ATP13A1: variants seen among roughly 807,000 people sequenced by gnomAD.
ATP13A1 encodes endoplasmic reticulum transmembrane helix translocase.
ATP13A1 carries 55 observed loss-of-function variants against 134.8 expected under a neutral mutation model. The observed-to-expected ratio is 0.41, with a 90% confidence interval of 0.33 to 0.51. ATP13A1 has a LOEUF of 0.51. Ranked by LOEUF, ATP13A1 falls within the 20% of genes least tolerant of loss-of-function variation. ATP13A1 has a pLI of 0.29. For missense variants in ATP13A1, 1,389 were observed against 1,652.8 expected (o/e 0.84, Z 2.77); for synonymous variants, 775 against 725.1 (o/e 1.07, Z -1.10).
rs1343495098 is a variant in ATP13A1 at position 19,663,521 on chromosome 19, A to G, written c.146T>C (p.Leu49Pro). ...GPALIANGDE[L>P]VAAVWPYRRL... ...CCGGTACGGCCACACGGCAGCCACC[A>G]GCTCGTCACCGTTCGCTATGAGCGC... The change falls in exon 1 of 26, where the codon CTG becomes CCG. Residue 49 changes from leucine (L) to proline (P), a missense_variant. Around this residue, in one of 4 missense-constraint regions of ATP13A1, gnomAD observed 293 missense variants for 270.8 expected, o/e 1.08. Transcript: ENST00000357324. The G allele has an allele frequency of 6.5e-7, 1 of 1,531,496 alleles. No individual in the cohort carries two copies. Among genetic ancestry groups the G allele is most frequent in the Non-Finnish European group, 8.7e-7 (1 of 1,145,014 alleles). The allele number at this position is 1,531,496 out of a possible 1,614,324, so 94.9% of individuals were successfully genotyped here.
chr19:19,654,099 A>G lies in ATP13A1; in HGVS notation c.1859T>C (p.Ile620Thr), dbSNP rs752055363. The change falls in exon 14 of 26, where the codon ATT (isoleucine) becomes ACT (threonine). Residue 620 changes from isoleucine to threonine, a missense_variant. Around this residue, in one of 4 missense-constraint regions of ATP13A1, gnomAD observed 747 missense variants for 956.1 expected, o/e 0.78. Coordinates refer to ENST00000357324, the MANE Select transcript of ATP13A1 (RefSeq NM_020410.3). ...PRSIKTQGLK[I>T]HQRFHFASAL... ...ACTGGCAAAATGAAAGCGCTGGTGAATTTTCAGCCCCTGAGTTTTAATACT... is the reference window on the plus strand; with the variant it reads ...ACTGGCAAAATGAAAGCGCTGGTGAGTTTTCAGCCCCTGAGTTTTAATACT... The G allele has an allele frequency of 3.1e-6, 5 of 1,592,936 alleles. No individual in the cohort carries two copies. Among genetic ancestry groups the G allele is most frequent in the African/African-American group, 1.3e-5 (1 of 74,524 alleles).
chr19:19,663,472 G>A lies in ATP13A1; in HGVS notation c.195C>T (p.Leu65=). The A allele has an allele frequency of 6.5e-7, 1 of 1,539,830 alleles. No homozygotes were observed. The highest frequency in any genetic ancestry group is 1.4e-5 in the African/African-American group (1 of 73,148). The change falls in exon 1 of 26, where the codon CTC becomes CTT. Residue 65 remains leucine (L), a synonymous_variant. Transcript: ENST00000357324. ...PYRRLALLRR[L]TVLPFAGLLY... ...GCAGCCCGGCGAATGGCAGCACCGT[G>A]AGGCGCCGCAACAGCGCCAACCGCC... is the stretch of plus-strand genomic sequence containing the variant.
At position 19,646,367 on chromosome 19, in the gene ATP13A1, G is replaced by A. The variant is rs771206352; in HGVS notation, c.3106-20C>T. 13 of 1,613,146 alleles carry A rather than the reference G, an allele frequency of 8.1e-6. No individual in the cohort carries two copies. Among genetic ancestry groups the A allele is most frequent in the Non-Finnish European group, 1.1e-5 (13 of 1,179,760 alleles). ...GAGGGGCTGCAGCAGCAAGGCGGGT[G>A]GGGGAGTCAGGATCTGGCTCACTTG... On this transcript the variant is annotated intron_variant, in intron 22 of 25. Coordinates refer to ENST00000357324, the MANE Select transcript of ATP13A1 (RefSeq NM_020410.3).
In ATP13A1 at chr19:19,655,960, A is replaced by C. The variant is rs2062054977; in HGVS notation, c.1214-27T>G. 2 of 1,606,696 alleles carry C rather than the reference A, an allele frequency of 1.2e-6. No homozygotes were observed. Among genetic ancestry groups the C allele is most frequent in the Non-Finnish European group, 1.7e-6 (2 of 1,178,796 alleles). On this transcript the variant is annotated intron_variant, in intron 8 of 25. Transcript: ENST00000357324. The surrounding 1 kb of genome is among the most constrained non-coding windows in gnomAD (Gnocchi z 5.7). Reference sequence around the variant, plus strand: ...TGGGGAGAGAAGCAGAGTCACCGTCATGCCTGTCTCCTCGTCCTGACTCCC... The same window carrying C: ...TGGGGAGAGAAGCAGAGTCACCGTCCTGCCTGTCTCCTCGTCCTGACTCCC...
At chr19:19,660,484 TAA>T (rs1200745255) in intron 1 of ATP13A1, 5 of 113,374 alleles carry the variant, frequency 4.4e-5, no homozygotes, top group South Asian at 2.6e-4. Context: ...CTATCTCAAT[TAA>T]AAAAAAAAAA....
intron 3 of ATP13A1, among the ~76,000 whole-genome samples, chr19:19,658,262 A>G (rs954448832): frequency 1.3e-5 from 2 of 151,790 alleles, no homozygotes; most frequent in African/African-American, 4.8e-5. Context: ...CAGTCATGTC[A>G]ACGAGGGTCA....
chr19:19,652,891 C>A (rs190051407), intron 15 of ATP13A1, 171 bp from the exon 16 acceptor site: 1 of 930,396 alleles, frequency 1.1e-6, no homozygotes, highest in Non-Finnish European at 1.6e-6. Flanking sequence ...GTACCAGGCA[C>A]GCTTGAGGGG....
rs1422175336 is a variant in ATP13A1 at position 19,663,549 on chromosome 19, G to A, written c.118C>T (p.Pro40Ser). ...TCGTCACCGTTCGCTATGAGCGCCG[G>A]CCCGGCGGCAAGGAGCGCGCGCGGC... ...PQPRALLAAG[P>S]ALIANGDELV... The change falls in exon 1 of 26, where the codon CCG becomes TCG. Residue 40 changes from proline to serine, a missense_variant. Around this residue, in one of 4 missense-constraint regions of ATP13A1, gnomAD observed 293 missense variants for 270.8 expected, o/e 1.08. Coordinates refer to ENST00000357324, the MANE Select transcript of ATP13A1 (RefSeq NM_020410.3). 3.3e-6 allele frequency: 5 copies of A among 1,516,266 alleles called. No homozygotes were observed. The highest frequency in any genetic ancestry group is 4.4e-6 in the Non-Finnish European group (5 of 1,140,318). The allele number at this position is 1,516,266 out of a possible 1,614,324, so 93.9% of individuals were successfully genotyped here.
At chr19:19,657,481 C>T in intron 3 of ATP13A1, 73 bp from the exon 4 acceptor site, 2 of 1,411,466 alleles carry the variant, frequency 1.4e-6, no homozygotes, top group South Asian at 2.9e-5. Context: ...CCTGACCCCT[C>T]CAACCTGAGC....
Position 19,645,320 on chromosome 19 carries a change from G to A in ATP13A1, c.*102C>T. 7.6e-7 allele frequency: 1 copy of A among 1,311,760 alleles called. No homozygotes were observed. Among genetic ancestry groups the A allele is most frequent in the Non-Finnish European group, 1.1e-6 (1 of 941,656 alleles). The allele number at this position is 1,311,760 out of a possible 1,614,324, so 81.3% of individuals were successfully genotyped here. ...AGTCTTCCAAGGGCGAGACTGTACA[G>A]CCTTGCTGTGGGGGGTTGGGGGCAG... On this transcript the variant is annotated 3_prime_UTR_variant, in exon 26 of 26. Coordinates refer to ENST00000357324, the MANE Select transcript of ATP13A1 (RefSeq NM_020410.3). This position sits in a 1 kb window ranked among gnomAD's most constrained non-coding sequence, Gnocchi z 4.1.
intron 1 of ATP13A1, among the ~76,000 whole-genome samples, chr19:19,662,917 T>A (rs1308772881): frequency 1.3e-5 from 2 of 152,094 alleles, no homozygotes; most frequent in Non-Finnish European, 2.9e-5. Context: ...GTAGGGCCGT[T>A]TCCAGAACAA....
chr19:19,647,866 G>C lies in ATP13A1; in HGVS notation c.2633-107C>G, dbSNP rs2061996656. Reference sequence around the variant, plus strand: ...AAGTCCCCCAGCTGGCTCCCGTGAGGACAGTTCCCAGACTTCCCCATTTCA... The same window carrying C: ...AAGTCCCCCAGCTGGCTCCCGTGAGCACAGTTCCCAGACTTCCCCATTTCA... On this transcript the variant is annotated intron_variant, in intron 19 of 25. Transcript: ENST00000357324. The surrounding 1 kb of genome is among the most constrained non-coding windows in gnomAD (Gnocchi z 4.8). 2.2e-6 allele frequency: 3 copies of C among 1,386,138 alleles called. No individual in the cohort carries two copies. Among genetic ancestry groups the C allele is most frequent in the Non-Finnish European group, 2.9e-6 (3 of 1,041,136 alleles). 85.9% of individuals were successfully genotyped at this position (1,386,138 alleles called of 1,614,324 possible).
rs1229229427 is a variant in ATP13A1, at chr19:19,645,500, C to T, written c.3537G>A (p.Leu1179=). Residue 1179 remains leucine (L), a synonymous_variant, in exon 26 of 26, where the codon CTG becomes CTA. Transcript: ENST00000357324. The surrounding 1 kb of genome is among the most constrained non-coding windows in gnomAD (Gnocchi z 4.1). ...CGGCCAGGAGCGCCAGGCAGAAGTC[C>T]AGGAGCAGGACCTGGGCAATGACCA... The part of the protein sequence containing the change: ...FKLVIAQVLL[L]DFCLALLADR... 1.9e-6 allele frequency: 3 copies of T among 1,606,466 alleles called. No homozygotes were observed. In the African/African-American group the frequency reaches 4.0e-5, roughly 21 times the overall value.
Position 19,663,580 on chromosome 19 carries a change from C to T in ATP13A1, c.87G>A (p.Gly29=). The part of the protein sequence containing the change: ...GVRPDGQPKP[G]PQPRALLAAG... ...CGGCAAGGAGCGCGCGCGGCTGCGGCCCGGGCTTGGGCTGCCCGTCAGGCC... is the reference window on the plus strand; with the variant it reads ...CGGCAAGGAGCGCGCGCGGCTGCGGTCCGGGCTTGGGCTGCCCGTCAGGCC... Residue 29 remains glycine, a synonymous_variant, in exon 1 of 26, where the codon GGG becomes GGA. Coordinates refer to ENST00000357324, the MANE Select transcript of ATP13A1 (RefSeq NM_020410.3). The T allele has an allele frequency of 9.4e-6, 14 of 1,492,818 alleles. No homozygotes were observed. The highest frequency in any genetic ancestry group is 1.2e-5 in the Non-Finnish European group (13 of 1,130,194). The allele number at this position is 1,492,818 out of a possible 1,614,324, so 92.5% of individuals were successfully genotyped here. A position where few individuals can be genotyped will look rare whatever the true frequency, so the allele number is the denominator to read the frequency against.
In ATP13A1 at chr19:19,646,201, T is replaced by C; in HGVS notation, c.3248+4A>G. On this transcript the variant is annotated splice_donor_region_variant and intron_variant, in intron 23 of 25. Coordinates refer to ENST00000357324, the MANE Select transcript of ATP13A1 (RefSeq NM_020410.3). The stretch of plus-strand genomic sequence containing the variant: ...GACATCACCTCCTCCAAGGCAGCAC[T>C]TACTTCTCGGGGCTCCGGGCCTGGG... 6.2e-7 allele frequency: 1 copy of C among 1,613,562 alleles called. No homozygotes were observed. The highest frequency in any genetic ancestry group is 8.5e-7 in the Non-Finnish European group (1 of 1,179,704).
chr19:19,652,891 C>T (rs190051407), intron 15 of ATP13A1, 171 bp from the exon 16 acceptor site: 10 of 930,396 alleles, frequency 1.1e-5, no homozygotes, highest in East Asian at 5.5e-5. Flanking sequence ...GTACCAGGCA[C>T]GCTTGAGGGG....
In ATP13A1 at chr19:19,645,597, G is replaced by C; in HGVS notation, c.3504+50C>G. On this transcript the variant is annotated intron_variant, in intron 25 of 25. Transcript: ENST00000357324. This position sits in a 1 kb window ranked among gnomAD's most constrained non-coding sequence, Gnocchi z 4.1. ...GCCCAGCTCAGGGTCACTGCCATAG[G>C]AGGGACCCATCAAGCTGAGCCCCAG... 1 of 1,561,050 alleles carries C rather than the reference G, an allele frequency of 6.4e-7. No individual in the cohort carries two copies. Among genetic ancestry groups the C allele is most frequent in the East Asian group, 2.4e-5 (1 of 41,638 alleles).
At position 19,653,687 on chromosome 19, in the gene ATP13A1, A is replaced by G; in HGVS notation, c.2100+97T>C. ...GGCGGGGCAAGGAGGACAAAATCACAACCATTCAACCTGGCACTGTGGGAC... is the reference window on the plus strand; with the variant it reads ...GGCGGGGCAAGGAGGACAAAATCACGACCATTCAACCTGGCACTGTGGGAC... On this transcript the variant is annotated intron_variant, in intron 15 of 25. Coordinates refer to ENST00000357324, the MANE Select transcript of ATP13A1 (RefSeq NM_020410.3). The surrounding 1 kb of genome is among the most constrained non-coding windows in gnomAD (Gnocchi z 4.2). 3.5e-6 allele frequency: 4 copies of G among 1,154,652 alleles called. No homozygotes were observed. The highest frequency in any genetic ancestry group is 2.9e-4 in the Middle Eastern group (1 of 3,500). 71.5% of individuals were successfully genotyped at this position (1,154,652 alleles called of 1,614,324 possible).
chr19:19,651,725 C>T lies in ATP13A1; in HGVS notation c.2299G>A (p.Ala767Thr). 6.2e-7 allele frequency: 1 copy of T among 1,613,286 alleles called. No individual in the cohort carries two copies. Among genetic ancestry groups the T allele is most frequent in the South Asian group, 1.1e-5 (1 of 90,984 alleles). Residue 767 changes from alanine to threonine, a missense_variant, in exon 17 of 26, where the codon GCC becomes ACC. Coordinates refer to ENST00000357324, the MANE Select transcript of ATP13A1 (RefSeq NM_020410.3). ...GGAGGCTGCAGGATCAGCGTGTGGG[C>T]CTTTTCAATGAAGTGCAGCTCCTGG... ...VAQELHFIEK[A>T]HTLILQPPSE...
Sources: gnomAD v4.1 joint callset for allele counts (sites outside exome capture counted in the v4.1 genomes callset) on GRCh38, gnomAD v4.1.1 for gene constraint, gnomAD v4.1.1 regional missense constraint, Gnocchi (gnomAD v3.1) non-coding constraint, MANE v1.5 for transcripts, NCBI Gene and HGNC (gene_info 2026-07-23, HGNC 2026-07-21) for gene names.